The following STPG2 variants were observed in gnomAD, a reference collection of about 807,000 sequenced individuals.
STPG2 encodes the protein sperm tail PG-rich repeat containing 2, also known as sperm-tail PG-rich repeat-containing protein 2.
In STPG2, 56 loss-of-function variants were observed where a neutral mutation model predicts 54.2. The observed-to-expected ratio is 1.03, with a 90% confidence interval of 0.83 to 1.29. The LOEUF is 1.29. Among genes scored for constraint, STPG2 ranks in the 50% most tolerant of loss-of-function variants. The pLI is 0.00. For missense variants in STPG2, 596 were observed against 544.9 expected, an observed-to-expected ratio of 1.09 and a Z score of -0.93; for synonymous variants, 200 against 181.8, an observed-to-expected ratio of 1.10 and a Z score of -0.81.
intron 9 of STPG2, among the ~76,000 whole-genome samples, chr4:97,789,532 C>T (rs1726928201): frequency 6.6e-6 from 1 of 152,038 alleles, no homozygotes; most frequent in African/African-American, 2.4e-5. Context: ...CTTCGATCTA[C>T]ATTTTACATC....
chr4:97,987,431 TTAAC>T (rs1178933746), intron 5 of STPG2, among the ~76,000 whole-genome samples: 1 of 152,212 alleles, frequency 6.6e-6, no homozygotes, highest in African/African-American at 2.4e-5. Flanking sequence ...AGGAAATAGT[TTAAC>T]TACATATGTT....
At chr4:97,525,279 T>C (rs890729157) in intron 4 of STPG2, among the ~76,000 whole-genome samples, 2 of 151,858 alleles carry the variant, frequency 1.3e-5, no homozygotes, top group Non-Finnish European at 2.9e-5. Flanking sequence ...CAAAGAACCA[T>C]CACAAAAGAA....
intron 5 of STPG2, among the ~76,000 whole-genome samples, chr4:98,061,613 A>AG (rs1737660030): frequency 7.9e-6 from 1 of 127,092 alleles, no homozygotes; most frequent in Admixed American, 7.4e-5. Context: ...CAAGAAAAAA[A>AG]AAATTTTAAA....
intron 5 of STPG2, among the ~76,000 whole-genome samples, chr4:98,094,620 G>A (rs1738791821): frequency 6.6e-6 from 1 of 152,008 alleles, no homozygotes; most frequent in African/African-American, 2.4e-5. Context: ...TGACCTGAAG[G>A]GTGTGTCCCA....
intron 10 of STPG2, among the ~76,000 whole-genome samples, chr4:97,611,363 A>C (rs1402467325): frequency 6.6e-6 from 1 of 151,876 alleles, no homozygotes; most frequent in South Asian, 2.1e-4. Context: ...CACACACACA[A>C]AAAAACAGAT....
chr4:97,923,113 C>G (rs1732172911), intron 8 of STPG2, among the ~76,000 whole-genome samples: 1 of 152,266 alleles, frequency 6.6e-6, no homozygotes, highest in Admixed American at 6.5e-5. Context: ...AGCCCTCGCT[C>G]ACTCTTGGCA....
rs116787623 is a variant in STPG2 at position 97,444,492 on chromosome 4, C to A, written c.463-256659G>T. ...ACAATAGAATGACATTTTGTAAATGCTCAAAGAAAATATGCCAACCTGAAC... is the reference window on the plus strand; with the variant it reads ...ACAATAGAATGACATTTTGTAAATGATCAAAGAAAATATGCCAACCTGAAC... On this transcript the variant is annotated intron_variant, in intron 4 of 4. Transcript: ENST00000522676. 1.8e-3 allele frequency among the ~76,000 whole-genome samples: 280 copies of A among 152,234 alleles called. 1 individual carries two copies. Among genetic ancestry groups the A allele is most frequent in the African/African-American group, 6.4e-3 (267 of 41,544 alleles).
At chr4:98,102,888 A>G (rs1739085934) in intron 5 of STPG2, among the ~76,000 whole-genome samples, 1 of 148,844 alleles carries the variant, frequency 6.7e-6, no homozygotes, top group African/African-American at 2.4e-5. Context: ...GTAATATATT[A>G]ACATGTAATA....
intron 4 of STPG2, among the ~76,000 whole-genome samples, chr4:97,477,727 T>C (rs554478634): frequency 5.5e-4 from 84 of 151,932 alleles, no homozygotes; most frequent in Non-Finnish European, 9.9e-4. Flanking sequence ...CCTGACCTCG[T>C]GATCTGCCTG....
intron 2 of STPG2, among the ~76,000 whole-genome samples, chr4:98,128,917 A>T (rs1391287590): frequency 1.3e-5 from 2 of 152,014 alleles, no homozygotes; most frequent in Non-Finnish European, 2.9e-5. Flanking sequence ...TATTCTTAGT[A>T]GAGACAGGGT....
chr4:97,620,284 A>G, intron 10 of STPG2, among the ~76,000 whole-genome samples: 1 of 152,218 alleles, frequency 6.6e-6, no homozygotes, highest in East Asian at 1.9e-4. Flanking sequence ...TTGCAGGAAA[A>G]TTCCCTTCTT....
intron 9 of STPG2, among the ~76,000 whole-genome samples, chr4:97,766,792 A>G (rs1726068619): frequency 6.6e-6 from 1 of 152,080 alleles, no homozygotes; most frequent in African/African-American, 2.4e-5. Flanking sequence ...TTAACATACA[A>G]ACTGTGGCTG....
intron 5 of STPG2, among the ~76,000 whole-genome samples, chr4:98,023,358 G>A (rs547490413): frequency 2.6e-5 from 4 of 152,150 alleles, no homozygotes; most frequent in Non-Finnish European, 5.9e-5. Context: ...GGATTTTCGT[G>A]AACCGCAAAT....
chr4:98,026,305 AATAAAAGT>A (rs1219343799), intron 5 of STPG2: 3 of 658,520 alleles, frequency 4.6e-6, no homozygotes, highest in Non-Finnish European at 7.9e-6. Flanking sequence ...AGATAAAGAC[AATAAAAGT>A]ATGGACAGAA....
intron 8 of STPG2, among the ~76,000 whole-genome samples, chr4:97,887,209 G>A (rs1426457870): frequency 6.6e-6 from 1 of 152,168 alleles, no homozygotes; most frequent in African/African-American, 2.4e-5. Context: ...AGCAACTTTG[G>A]AACTGGGTAA....
rs1021493889 is a variant in STPG2, at chr4:97,476,832, C to T, written c.462+235867G>A. Among the ~76,000 whole-genome samples the T allele has an allele frequency of 2.6e-5, 4 of 152,166 alleles. No individual in the cohort carries two copies. The South Asian group carries it at 8.3e-4, about 31-fold the overall frequency. Reference sequence around the variant, plus strand: ...ACTGGAATATTTTCTTTCATCCCAACAATAAACTCTAAGTGGTTCCAAATA... The same window carrying T: ...ACTGGAATATTTTCTTTCATCCCAATAATAAACTCTAAGTGGTTCCAAATA... On this transcript the variant is annotated intron_variant, in intron 4 of 4. Coordinates refer to the STPG2 transcript ENST00000522676.
chr4:98,044,139 G>A (rs1359881764), intron 5 of STPG2, among the ~76,000 whole-genome samples: 1 of 151,944 alleles, frequency 6.6e-6, no homozygotes, highest in Non-Finnish European at 1.5e-5. Flanking sequence ...TATTTGTTAT[G>A]TATATATTAG....
At chr4:97,735,557 A>C (rs1049960089) in intron 9 of STPG2, among the ~76,000 whole-genome samples, 11 of 149,136 alleles carry the variant, frequency 7.4e-5, no homozygotes, top group African/African-American at 2.7e-4. Flanking sequence ...ATATTTATAC[A>C]TATACATATT....
At chr4:97,795,932 G>C (rs1383369717) in intron 9 of STPG2, among the ~76,000 whole-genome samples, 1 of 152,148 alleles carries the variant, frequency 6.6e-6, no homozygotes. Flanking sequence ...GTTTTGATTT[G>C]CATTTCCCTG....
Sources: gnomAD v4.1 joint callset for allele counts (sites outside exome capture counted in the v4.1 genomes callset) on GRCh38, gnomAD v4.1.1 for gene constraint, MANE v1.5 for transcripts, NCBI Gene and HGNC (gene_info 2026-07-23, HGNC 2026-07-21) for gene names.